SHB: variants seen among roughly 807,000 people sequenced by gnomAD.
SHB encodes the protein SH2 domain containing adaptor protein B.
A neutral mutation model predicts 52.3 loss-of-function variants in SHB; 20 were observed. That is an observed-to-expected ratio of 0.38 (90% CI 0.27 to 0.56). The LOEUF is 0.56. Among genes scored for constraint, SHB ranks in the 20% least tolerant of loss-of-function variants. The probability of loss-of-function intolerance (pLI) is 0.71; values close to 1 mark genes in which losing one functional copy is unlikely to be tolerated. For missense variants in SHB, 825 were observed against 723.3 expected, an observed-to-expected ratio of 1.14 and a Z score of -1.61; for synonymous variants, 397 against 316.5, an observed-to-expected ratio of 1.25 and a Z score of -2.70.
At chr9:37,989,378 T>C (rs1265515694) in intron 2 of SHB, among the ~76,000 whole-genome samples, 1 of 152,128 alleles carries the variant, frequency 6.6e-6, no homozygotes, top group Non-Finnish European at 1.5e-5. Context: ...CCTGCAATTC[T>C]TCCTTCAGGA....
intron 5 of SHB, among the ~76,000 whole-genome samples, chr9:37,929,816 A>T (rs568579980): frequency 6.6e-6 from 1 of 152,382 alleles, no homozygotes; most frequent in Admixed American, 6.5e-5. Flanking sequence ...TGAAAAGAGA[A>T]AAGGAAGCTG....
At chr9:38,003,437 A>G (rs1298649601) in intron 2 of SHB, among the ~76,000 whole-genome samples, 1 of 151,638 alleles carries the variant, frequency 6.6e-6, no homozygotes, top group African/African-American at 2.4e-5. Context: ...AATGGGCCAC[A>G]TCCTCCCCGC....
At chr9:37,959,241 G>C (rs893840809) in intron 3 of SHB, among the ~76,000 whole-genome samples, 1 of 152,138 alleles carries the variant, frequency 6.6e-6, no homozygotes, top group East Asian at 1.9e-4. Flanking sequence ...GCTTGGGGGA[G>C]GGTGATGCCC....
At chr9:38,056,780 G>T (rs1821826839) in intron 1 of SHB, among the ~76,000 whole-genome samples, 1 of 152,134 alleles carries the variant, frequency 6.6e-6, no homozygotes, top group African/African-American at 2.4e-5. Context: ...CAACCCAAAT[G>T]GCAGGTAAGG....
intron 1 of SHB, among the ~76,000 whole-genome samples, chr9:38,052,746 T>C (rs1473848927): frequency 1.3e-5 from 2 of 152,190 alleles, no homozygotes; most frequent in Non-Finnish European, 2.9e-5. Flanking sequence ...ACTACCTTTC[T>C]TTACCCACAG....
chr9:38,038,664 G>T (rs1048683989), intron 1 of SHB, among the ~76,000 whole-genome samples: 2 of 152,220 alleles, frequency 1.3e-5, no homozygotes, highest in Admixed American at 1.3e-4. Context: ...TCCTGCCCCA[G>T]CCCAGTGCCT....
In SHB at chr9:37,974,714, C is replaced by T. The variant is rs777662416; in HGVS notation, c.962G>A (p.Arg321Gln). Reference sequence around the variant, plus strand: ...GTCATCCTGGGGCAGCTTGCTCTCCCGCAGTCGGGGGCTGACTGTGCTCTC... The same window carrying T: ...GTCATCCTGGGGCAGCTTGCTCTCCTGCAGTCGGGGGCTGACTGTGCTCTC... ...DSESTVSPRLRESKLPQDDDR... is the reference protein window; with the variant it reads ...DSESTVSPRLQESKLPQDDDR... The change falls in exon 3 of 6, where the codon CGG (arginine) becomes CAG (glutamine). Residue 321 changes from arginine (R) to glutamine (Q), a missense_variant. Arg to Gln is a conservative substitution (Grantham distance 43). Coordinates refer to ENST00000377707, the MANE Select transcript of SHB (RefSeq NM_003028.3). 18 of 1,613,968 alleles carry T rather than the reference C, an allele frequency of 1.1e-5. No homozygotes were observed. Among genetic ancestry groups the T allele is most frequent in the East Asian group, 8.9e-5 (4 of 44,884 alleles).
intron 4 of SHB, among the ~76,000 whole-genome samples, chr9:37,951,565 C>G (rs556517583): frequency 6.6e-6 from 1 of 152,222 alleles, no homozygotes; most frequent in African/African-American, 2.4e-5. Context: ...CAAGTCCCAG[C>G]CATTTGAAGC....
chr9:37,937,466 GAA>G (rs111668966), intron 5 of SHB, among the ~76,000 whole-genome samples: 1 of 137,338 alleles, frequency 7.3e-6, no homozygotes, highest in Non-Finnish European at 1.6e-5. Flanking sequence ...AAAAAGATAA[GAA>G]AAAAAAAAAA....
intron 2 of SHB, chr9:38,015,591 C>A: frequency 1.6e-6 from 1 of 630,918 alleles, no homozygotes; most frequent in Non-Finnish European, 2.9e-6. Flanking sequence ...CAGCTCTCTT[C>A]TACTAAGCAA....
rs143729179 is a variant in SHB at position 37,970,895 on chromosome 9, T to C, written c.1054+3727A>G. On this transcript the variant is annotated intron_variant, in intron 3 of 5. Coordinates refer to ENST00000377707, the MANE Select transcript of SHB (RefSeq NM_003028.3). ...CCCACACTCTCCACCCTTTGGAAAT[T>C]TGAAAGCACTGACCCCATTCCCCGC... Among the ~76,000 whole-genome samples the C allele has an allele frequency of 2.0e-3, 299 of 152,078 alleles. 1 individual carries two copies. The highest frequency in any genetic ancestry group is 6.9e-3 in the African/African-American group (287 of 41,488).
rs114510517 is a variant in SHB, at chr9:37,916,137, C to T, written c.*3684G>A. On this transcript the variant is annotated 3_prime_UTR_variant, in exon 6 of 6. Transcript: ENST00000377707. The stretch of plus-strand genomic sequence containing the variant: ...CCTGTGAACAAGTCCCCGTGGGGTT[C>T]TGGGAGGTGCGCCCACATCTAAGAC... Among the ~76,000 whole-genome samples, 620 of 152,346 alleles carry T rather than the reference C, an allele frequency of 4.1e-3. 5 individuals are homozygous for T. The highest frequency in any genetic ancestry group is 0.014 in the African/African-American group (591 of 41,582).
rs187783089 is a variant in SHB, at chr9:37,943,068, C to A, written c.1346+5567G>T. 4.3e-4 allele frequency among the ~76,000 whole-genome samples: 65 copies of A among 152,320 alleles called. 1 individual carries two copies. In the East Asian group the frequency reaches 0.011, roughly 27 times the overall value. ...TGCTGCCTCACAGGTAAAGCCCCGA[C>A]CCCTCCACCTGGTGATCAGGGCTAC... On this transcript the variant is annotated intron_variant, in intron 5 of 5. Coordinates refer to ENST00000377707, the MANE Select transcript of SHB (RefSeq NM_003028.3).
At chr9:37,995,615 G>A (rs563195019) in intron 2 of SHB, among the ~76,000 whole-genome samples, 10 of 152,246 alleles carry the variant, frequency 6.6e-5, no homozygotes, top group Admixed American at 2.0e-4. Context: ...CTCCACTAGC[G>A]GGGAGCCTCC....
intron 1 of SHB, among the ~76,000 whole-genome samples, chr9:38,021,150 C>CA (rs2118089492): frequency 6.6e-6 from 1 of 150,650 alleles, no homozygotes; most frequent in East Asian, 2.0e-4. Flanking sequence ...CCAGCCCGAC[C>CA]AACGTGGAGA....
intron 1 of SHB, among the ~76,000 whole-genome samples, chr9:38,052,873 C>G (rs1419014395): frequency 6.6e-6 from 1 of 152,256 alleles, no homozygotes; most frequent in Non-Finnish European, 1.5e-5. Context: ...CTCACATCCA[C>G]CAATCTCTAA....
At chr9:38,048,963 C>A (rs1209216827) in intron 1 of SHB, among the ~76,000 whole-genome samples, 1 of 152,166 alleles carries the variant, frequency 6.6e-6, no homozygotes, top group Non-Finnish European at 1.5e-5. Flanking sequence ...ATTTTTAGGG[C>A]AACAATACAG....
chr9:38,045,888 G>C (rs1197284620), intron 1 of SHB, among the ~76,000 whole-genome samples: 2 of 152,126 alleles, frequency 1.3e-5, no homozygotes, highest in African/African-American at 2.4e-5. Flanking sequence ...GTCAAAATGG[G>C]TATGTATAAA....
intron 1 of SHB, among the ~76,000 whole-genome samples, chr9:38,023,326 G>C (rs1821303564): frequency 6.6e-6 from 1 of 152,180 alleles, no homozygotes; most frequent in African/African-American, 2.4e-5. Flanking sequence ...GAGCAGGGTG[G>C]TTTGCCTTCT....
Sources: gnomAD v4.1 joint callset for allele counts (sites outside exome capture counted in the v4.1 genomes callset) on GRCh38, gnomAD v4.1.1 for gene constraint, MANE v1.5 for transcripts, NCBI Gene and HGNC (gene_info 2026-07-23, HGNC 2026-07-21) for gene names.